Variants in IDE observed in about 807,000 individuals in gnomAD.
The protein encoded by IDE is insulin degrading enzyme, also known as insulin-degrading enzyme.
In IDE, 58 loss-of-function variants were observed where a neutral mutation model predicts 133.2. The observed-to-expected ratio is 0.44, with a 90% CI of 0.35 to 0.54. The LOEUF is 0.54. IDE is among the 20% of genes least tolerant of loss of function. IDE has a pLI of 0.00. For missense variants in IDE, 981 were observed against 1,234.0 expected (o/e 0.79, Z 3.07); for synonymous variants, 396 against 421.3 (o/e 0.94, Z 0.73).
At chr10:92,462,615 A>T (rs1041217324) in intron 21 of IDE, among the ~76,000 whole-genome samples, 1 of 152,296 alleles carries the variant, frequency 6.6e-6, no homozygotes, top group Non-Finnish European at 1.5e-5. Flanking sequence ...CTTAAAAAAA[A>T]AATAATAAGT....
chr10:92,501,907 G>A (rs1049981542), intron 11 of IDE, among the ~76,000 whole-genome samples: 3 of 152,030 alleles, frequency 2.0e-5, no homozygotes, highest in African/African-American at 7.2e-5. Context: ...CCTGGGAGGC[G>A]GAGGTTGCAG....
chr10:92,543,048 G>C (rs1162342921), intron 1 of IDE, among the ~76,000 whole-genome samples: 1 of 152,104 alleles, frequency 6.6e-6, no homozygotes, highest in Non-Finnish European at 1.5e-5. Flanking sequence ...CACCTCCATT[G>C]GTCTCTCACA....
At chr10:92,573,147 A>T (rs1209489448) in intron 1 of IDE, 1 of 985,340 alleles carries the variant, frequency 1.0e-6, no homozygotes, top group Non-Finnish European at 1.2e-6. Context: ...GTTCACTACA[A>T]GCCTGAAAAC....
chr10:92,534,826 G>T (rs1841909353), intron 2 of IDE, 41 bp from the exon 3 acceptor site: 3 of 1,470,750 alleles, frequency 2.0e-6, no homozygotes, highest in East Asian at 2.3e-5. Context: ...ATTGTCCTAT[G>T]CTGAAAGTTA....
chr10:92,504,681 G>A (rs1848199856), intron 11 of IDE, 113 bp downstream of exon 11: 3 of 652,688 alleles, frequency 4.6e-6, no homozygotes, highest in Non-Finnish European at 8.2e-6. Flanking sequence ...CTCTACTTTT[G>A]TAATGCTTGA....
chr10:92,510,838 A>G (rs1056055091), intron 5 of IDE, among the ~76,000 whole-genome samples: 2 of 150,122 alleles, frequency 1.3e-5, no homozygotes, highest in African/African-American at 2.5e-5. Flanking sequence ...GCACATACAT[A>G]TCACACATAT....
intron 5 of IDE, among the ~76,000 whole-genome samples, chr10:92,511,101 A>AAATT (rs1848603577): frequency 7.5e-6 from 1 of 132,520 alleles, no homozygotes. Context: ...AAAAAAAAAA[A>AAATT]CTTTTTTTTT....
chr10:92,548,359 C>CAAAA lies in IDE; in HGVS notation c.99-10813_99-10810dup, dbSNP rs56347361. 7.1e-4 allele frequency among the ~76,000 whole-genome samples: 28 copies of CAAAA among 39,712 alleles called. 2 individuals carry two copies. The highest frequency in any genetic ancestry group is 2.4e-3 in the African/African-American group (20 of 8,298). The allele number at this position is 39,712 out of a possible 152,430, so 26.1% of individuals were successfully genotyped here. On this transcript the variant is annotated intron_variant, in intron 1 of 24. Coordinates refer to ENST00000265986, the MANE Select transcript of IDE (RefSeq NM_004969.4). ...GGGCAACAAGAGCAAAACTCCATCT[C>CAAAA]AAAAAAAAAAAAAAAAAAAAAAAAA...
intron 9 of IDE, 101 bp downstream of exon 9, chr10:92,507,474 A>C (rs1027153995): frequency 8.0e-6 from 6 of 748,054 alleles, no homozygotes; most frequent in Non-Finnish European, 9.5e-6. Context: ...TTAGGAAAAA[A>C]ACTTTAAAAG....
chr10:92,491,115 A>G (rs1847313748), intron 11 of IDE, among the ~76,000 whole-genome samples: 1 of 151,868 alleles, frequency 6.6e-6, no homozygotes, highest in South Asian at 2.1e-4. Flanking sequence ...GCACGCAGCT[A>G]TAGTTCCAGC....
chr10:92,465,634 C>T (rs762034616), intron 20 of IDE, 42 bp downstream of exon 20: 1 of 1,531,258 alleles, frequency 6.5e-7, no homozygotes, highest in South Asian at 1.2e-5. Context: ...AATAATTCAT[C>T]AAAGTCTACA....
chr10:92,464,060 T>C, intron 20 of IDE, 57 bp from the exon 21 acceptor site: 2 of 1,542,398 alleles, frequency 1.3e-6, no homozygotes, highest in Non-Finnish European at 1.8e-6. Flanking sequence ...GGGTCATTTT[T>C]AATCCTTCAA....
At chr10:92,557,370 A>T (rs901289457) in intron 1 of IDE, among the ~76,000 whole-genome samples, 1 of 151,860 alleles carries the variant, frequency 6.6e-6, no homozygotes, top group Non-Finnish European at 1.5e-5. Context: ...CCCCATCTCT[A>T]CTAAAAATAC....
chr10:92,485,310 G>A (rs1246893594), intron 13 of IDE, among the ~76,000 whole-genome samples: 2 of 151,856 alleles, frequency 1.3e-5, no homozygotes, highest in South Asian at 2.1e-4. Flanking sequence ...TAGTAGAGAC[G>A]GGGCTTCACC....
In IDE at chr10:92,524,370, A is replaced by ATACAT. The variant is rs1554844717; in HGVS notation, c.661+7377_661+7378insATGTA. On this transcript the variant is annotated intron_variant, in intron 4 of 24. Transcript: ENST00000265986. ...TATATAATATATTTTATATTATAAT[A>ATACAT]TATATTATATATAATATATTTTATA... 9.5e-5 allele frequency among the ~76,000 whole-genome samples: 4 copies of ATACAT among 42,278 alleles called. 1 individual carries two copies. Among genetic ancestry groups the ATACAT allele is most frequent in the African/African-American group, 4.5e-4 (4 of 8,950 alleles). 27.7% of individuals were successfully genotyped at this position (42,278 alleles called of 152,430 possible).
At chr10:92,501,292 G>A (rs1049911043) in intron 11 of IDE, among the ~76,000 whole-genome samples, 7 of 146,318 alleles carry the variant, frequency 4.8e-5, no homozygotes, top group African/African-American at 1.3e-4. Context: ...AACCCAGGAG[G>A]AGGAGGTTGC....
intron 11 of IDE, among the ~76,000 whole-genome samples, chr10:92,494,434 A>G (rs920526887): frequency 1.0e-4 from 15 of 148,436 alleles, no homozygotes; most frequent in South Asian, 2.3e-4. Flanking sequence ...TATGGTAATG[A>G]TGTGATCCTT....
chr10:92,560,754 G>C (rs1843240963), intron 1 of IDE, among the ~76,000 whole-genome samples: 1 of 151,800 alleles, frequency 6.6e-6, no homozygotes, highest in African/African-American at 2.4e-5. Flanking sequence ...CTGCACTCCA[G>C]CCTAGGCGAC....
intron 11 of IDE, among the ~76,000 whole-genome samples, chr10:92,495,720 CATG>C (rs1296343662): frequency 6.6e-6 from 1 of 151,698 alleles, no homozygotes; most frequent in Non-Finnish European, 1.5e-5. Flanking sequence ...TCTACACTAT[CATG>C]ATATCAAATT....
Sources: gnomAD v4.1 joint callset for allele counts (sites outside exome capture counted in the v4.1 genomes callset) on GRCh38, gnomAD v4.1.1 for gene constraint, MANE v1.5 for transcripts, NCBI Gene and HGNC (gene_info 2026-07-23, HGNC 2026-07-21) for gene names.